The following NRG1 variants were observed in gnomAD, a reference collection of about 807,000 sequenced individuals.
NRG1 encodes neuregulin 1.
In NRG1, 18 loss-of-function variants were observed where a neutral mutation model predicts 63.8. The ratio of observed to expected loss-of-function variants is 0.28; its 90% confidence interval spans 0.19 to 0.42. The LOEUF is 0.42. Among genes scored for constraint, NRG1 ranks in the 10% least tolerant of loss-of-function variants. NRG1 has a pLI of 1.00. For missense variants in NRG1, 762 were observed against 814.7 expected, an observed-to-expected ratio of 0.94 and a Z score of 0.79; for synonymous variants, 302 against 301.3, an observed-to-expected ratio of 1.00 and a Z score of -0.02.
At chr8:31,945,642 C>T (rs1455694423) in intron 1 of NRG1, among the ~76,000 whole-genome samples, 1 of 152,192 alleles carries the variant, frequency 6.6e-6, no homozygotes, top group African/African-American at 2.4e-5. Context: ...ACAAACTCAC[C>T]TGGATGGTAA....
chr8:32,521,651 C>T (rs1213346323), intron 1 of NRG1, among the ~76,000 whole-genome samples: 1 of 152,078 alleles, frequency 6.6e-6, no homozygotes, highest in Non-Finnish European at 1.5e-5. Context: ...TGACCTCAAG[C>T]AAAGTCAGAT....
chr8:31,889,686 C>T (rs1362517603), intron 1 of NRG1, among the ~76,000 whole-genome samples: 2 of 152,162 alleles, frequency 1.3e-5, no homozygotes. Context: ...TGTCACTGCA[C>T]ATTTACCTCC....
At chr8:31,864,366 G>A (rs1828756915) in intron 1 of NRG1, among the ~76,000 whole-genome samples, 2 of 152,124 alleles carry the variant, frequency 1.3e-5, no homozygotes, top group Non-Finnish European at 2.9e-5. Flanking sequence ...CTCACCAACT[G>A]TGCTAACTGG....
intron 1 of NRG1, among the ~76,000 whole-genome samples, chr8:32,155,894 A>T (rs1003787535): frequency 6.6e-6 from 1 of 152,074 alleles, no homozygotes; most frequent in Admixed American, 6.5e-5. Context: ...ATGTCTTTCA[A>T]ATTTATCCAC....
intron 1 of NRG1, among the ~76,000 whole-genome samples, chr8:32,115,522 G>A (rs561149055): frequency 6.6e-4 from 101 of 152,086 alleles, no homozygotes; most frequent in African/African-American, 2.1e-3. Context: ...AGTCTTCCTC[G>A]TTGTCATTGT....
intron 1 of NRG1, among the ~76,000 whole-genome samples, chr8:31,823,114 GTTC>G (rs1824163913): frequency 1.8e-5 from 2 of 112,350 alleles, no homozygotes; most frequent in African/African-American, 6.6e-5. Flanking sequence ...TGCTGTCCTT[GTTC>G]TTTTTTTTTT....
chr8:31,793,479 A>G (rs1820908305), intron 1 of NRG1, among the ~76,000 whole-genome samples: 1 of 152,252 alleles, frequency 6.6e-6, no homozygotes, highest in Admixed American at 6.5e-5. Flanking sequence ...CAGTTGGATG[A>G]CTACATTCAA....
At chr8:32,569,905 C>CTT (rs1209336043) in intron 1 of NRG1, among the ~76,000 whole-genome samples, 1,783 of 121,584 alleles carry the variant, frequency 0.015, 47 homozygotes, top group African/African-American at 0.034. Context: ...TGATAGTTAT[C>CTT]TTTTTTTTTT....
At chr8:31,797,351 A>G (rs189707893) in intron 1 of NRG1, among the ~76,000 whole-genome samples, 97 of 152,268 alleles carry the variant, frequency 6.4e-4, no homozygotes, top group African/African-American at 2.2e-3. Flanking sequence ...TAAGGCAGTG[A>G]TAGATGCTTG....
intron 6 of NRG1, chr8:32,728,641 C>T: frequency 2.0e-6 from 2 of 984,840 alleles, no homozygotes; most frequent in Non-Finnish European, 1.2e-6. Context: ...AAGTAAATTG[C>T]ATATATTTGG....
chr8:31,853,660 T>C (rs1431795328), intron 1 of NRG1, among the ~76,000 whole-genome samples: 4 of 151,620 alleles, frequency 2.6e-5, no homozygotes, highest in Non-Finnish European at 5.9e-5. Context: ...TGAATAGTAG[T>C]GGTGAGAGAG....
chr8:32,033,766 A>G (rs2130522994), intron 1 of NRG1, among the ~76,000 whole-genome samples: 1 of 152,224 alleles, frequency 6.6e-6, no homozygotes, highest in African/African-American at 2.4e-5. Flanking sequence ...TTGTTGGTGT[A>G]TAGAATGCTT....
chr8:32,533,951 A>G (rs1831706613), intron 1 of NRG1, among the ~76,000 whole-genome samples: 1 of 152,116 alleles, frequency 6.6e-6, no homozygotes, highest in Non-Finnish European at 1.5e-5. Flanking sequence ...TTAAAAATAC[A>G]AATTATTTTT....
intron 1 of NRG1, among the ~76,000 whole-genome samples, chr8:31,862,161 C>T (rs1828526478): frequency 6.6e-6 from 1 of 152,144 alleles, no homozygotes; most frequent in Non-Finnish European, 1.5e-5. Context: ...AATACATGTT[C>T]TAATTTACAT....
At chr8:32,673,616 T>C (rs1250035554) in intron 5 of NRG1, among the ~76,000 whole-genome samples, 1 of 152,170 alleles carries the variant, frequency 6.6e-6, no homozygotes, top group Non-Finnish European at 1.5e-5. Context: ...AACAACCTAC[T>C]AAGTCTTGTA....
Position 32,696,850 on chromosome 8 carries a change from G to A in NRG1, c.503-31099G>A, listed in dbSNP as rs1305956507. Among the ~76,000 whole-genome samples the A allele has an allele frequency of 4.0e-5, 6 of 151,418 alleles. No individual in the cohort carries two copies. In the East Asian group the frequency reaches 5.8e-4, roughly 15 times the overall value. On this transcript the variant is annotated intron_variant, in intron 5 of 11. Transcript: ENST00000356819. ...TAAGTTTTGTGTTTTTAGTAGAGAC[G>A]GGGTTTTACCCTGTTGCCAAGGCTG...
At chr8:32,733,298 C>T (rs1486540046) in intron 6 of NRG1, among the ~76,000 whole-genome samples, 1 of 152,026 alleles carries the variant, frequency 6.6e-6, no homozygotes, top group Admixed American at 6.6e-5. Context: ...TAAACATAGA[C>T]TTTTATAATT....
At chr8:32,405,286 A>G (rs545647754) in intron 1 of NRG1, among the ~76,000 whole-genome samples, 5 of 152,292 alleles carry the variant, frequency 3.3e-5, no homozygotes, top group East Asian at 3.9e-4. Flanking sequence ...TCTCCATTCA[A>G]TTAAAGGACT....
intron 1 of NRG1, among the ~76,000 whole-genome samples, chr8:31,977,632 A>T (rs2129630103): frequency 6.6e-6 from 1 of 152,238 alleles, no homozygotes; most frequent in East Asian, 1.9e-4. Flanking sequence ...GGTGAAATTT[A>T]AAAATATTTA....
Sources: gnomAD v4.1 joint callset for allele counts (sites outside exome capture counted in the v4.1 genomes callset) on GRCh38, gnomAD v4.1.1 for gene constraint, MANE v1.5 for transcripts, NCBI Gene and HGNC (gene_info 2026-07-23, HGNC 2026-07-21) for gene names.